Variants in TRAP1 observed in about 807,000 individuals in gnomAD.
TRAP1 encodes the protein TNF receptor associated protein 1.
TRAP1 carries 102 observed loss-of-function variants against 89.1 expected under a neutral mutation model. That is an observed-to-expected ratio of 1.15 (90% CI 0.98 to 1.35). The LOEUF (loss-of-function observed/expected upper bound fraction) is 1.35, where lower values mean the gene tolerates loss of function less well. Ranked by LOEUF, TRAP1 falls within the 40% of genes most tolerant of loss-of-function variation. TRAP1 has a pLI of 0.00. For synonymous variants in TRAP1, 508 were observed against 388.0 expected, an observed-to-expected ratio of 1.31 and a Z score of -3.64; for missense variants, 1,256 against 945.3, an observed-to-expected ratio of 1.33 and a Z score of -4.31.
chr16:3,670,382 C>CAAAAAAAAA (rs760902038), intron 11 of TRAP1, among the ~76,000 whole-genome samples: 1,095 of 22,812 alleles, frequency 0.048, 217 homozygotes, highest in East Asian at 0.17. Context: ...GACTCCGTCT[C>CAAAAAAAAA]AAAAAAAAAA....
intron 4 of TRAP1, 110 bp from the exon 5 acceptor site, chr16:3,679,900 G>A: frequency 1.0e-6 from 1 of 975,452 alleles, no homozygotes; most frequent in Non-Finnish European, 1.6e-6. Flanking sequence ...GCCAGACAGG[G>A]CCCAGCCAGG....
At chr16:3,703,791 A>C (rs925618911) in intron 1 of TRAP1, among the ~76,000 whole-genome samples, 2 of 151,914 alleles carry the variant, frequency 1.3e-5, no homozygotes, top group Admixed American at 1.3e-4. Context: ...CGAGGCGGGC[A>C]GATCACGAGG....
chr16:3,660,036 A>G (rs1438177170), intron 16 of TRAP1: 1 of 152,216 alleles, frequency 6.6e-6, no homozygotes, highest in Non-Finnish European at 1.5e-5. Flanking sequence ...CTAACAGAGG[A>G]AACACTTCAA....
chr16:3,695,418 A>T (rs1455887480), intron 1 of TRAP1, among the ~76,000 whole-genome samples: 1 of 151,798 alleles, frequency 6.6e-6, no homozygotes, highest in Non-Finnish European at 1.5e-5. Flanking sequence ...ACTTCTAGTT[A>T]TCAGCTACTC....
intron 1 of TRAP1, among the ~76,000 whole-genome samples, chr16:3,700,326 C>A (rs2051348833): frequency 6.6e-6 from 1 of 152,020 alleles, no homozygotes; most frequent in Non-Finnish European, 1.5e-5. Context: ...TGCCACCACG[C>A]CTGGCTAATT....
At position 3,671,801 on chromosome 16, in the gene TRAP1, A is replaced by C; in HGVS notation, c.1166-10T>G. 1 of 1,612,256 alleles carries C rather than the reference A, an allele frequency of 6.2e-7. No homozygotes were observed. Among genetic ancestry groups the C allele is most frequent in the South Asian group, 1.1e-5 (1 of 91,084 alleles). ...TCACTGTCCACCACACCTGGGAGAC[A>C]CGGCAGTCAGCTTCTCCCGGGGCTG... On this transcript the variant is annotated splice_polypyrimidine_tract_variant and intron_variant, in intron 10 of 17. Transcript: ENST00000246957.
intron 6 of TRAP1, 111 bp from the exon 7 acceptor site, chr16:3,676,256 A>C: frequency 1.3e-6 from 1 of 771,662 alleles, no homozygotes; most frequent in Non-Finnish European, 2.1e-6. Context: ...AACAACACAC[A>C]ACACACCTCA....
chr16:3,658,267 TG>T, intron 17 of TRAP1, 37 bp from the exon 18 acceptor site: 1 of 1,502,048 alleles, frequency 6.7e-7, no homozygotes, highest in Non-Finnish European at 9.1e-7. Context: ...ATGAGGGGCA[TG>T]GGGCACCTTT....
At chr16:3,658,511 CATCTCTACTAAAATACAAA>C in intron 17 of TRAP1, 1 of 568,890 alleles carries the variant, frequency 1.8e-6, no homozygotes, top group Non-Finnish European at 3.1e-6. Flanking sequence ...GTGAAAACCC[CATCTCTACTAAAATACAAA>C]ATTAGCCAGG....
intron 3 of TRAP1, among the ~76,000 whole-genome samples, chr16:3,687,949 T>C (rs562605002): frequency 6.6e-6 from 1 of 151,148 alleles, no homozygotes; most frequent in East Asian, 2.0e-4. Flanking sequence ...AAGCGGTGGC[T>C]GATCTGGGCG....
At chr16:3,715,764 T>C (rs892192583) in intron 1 of TRAP1, among the ~76,000 whole-genome samples, 15 of 152,010 alleles carry the variant, frequency 9.9e-5, no homozygotes, top group African/African-American at 3.6e-4. Flanking sequence ...CTGGCCAACA[T>C]AGTGAAACCC....
chr16:3,679,824 C>CTGGGG, intron 4 of TRAP1, 34 bp from the exon 5 acceptor site: 1 of 1,611,340 alleles, frequency 6.2e-7, no homozygotes, highest in Non-Finnish European at 8.5e-7. Context: ...GCCAAGCCCC[C>CTGGGG]AGCACCTGGG....
At chr16:3,668,079 C>T (rs1238302262) in intron 11 of TRAP1, among the ~76,000 whole-genome samples, 1 of 152,084 alleles carries the variant, frequency 6.6e-6, no homozygotes, top group Non-Finnish European at 1.5e-5. Context: ...ACCTGCCTGC[C>T]ACCACGACTG....
intron 10 of TRAP1, 143 bp downstream of exon 10, chr16:3,672,557 C>A: frequency 7.5e-7 from 1 of 1,338,880 alleles, no homozygotes; most frequent in Non-Finnish European, 9.9e-7. Context: ...TCTGTAAACG[C>A]GACTGACACA....
intron 4 of TRAP1, among the ~76,000 whole-genome samples, chr16:3,680,705 G>A (rs2051063407): frequency 6.6e-6 from 1 of 152,236 alleles, no homozygotes; most frequent in Non-Finnish European, 1.5e-5. Context: ...GTCCCAAGGG[G>A]ATGGCACTGG....
At chr16:3,698,202 A>G (rs981666923) in intron 1 of TRAP1, among the ~76,000 whole-genome samples, 6 of 152,148 alleles carry the variant, frequency 3.9e-5, no homozygotes, top group South Asian at 2.1e-4. Flanking sequence ...TAAGAAATCT[A>G]TATTTCCAGC....
At chr16:3,670,090 A>G (rs575197778) in intron 11 of TRAP1, among the ~76,000 whole-genome samples, 1 of 152,068 alleles carries the variant, frequency 6.6e-6, no homozygotes, top group African/African-American at 2.4e-5. Flanking sequence ...ATTGCATGAA[A>G]AACAAAAACA....
intron 12 of TRAP1, 103 bp downstream of exon 12, chr16:3,665,868 C>A: frequency 7.0e-7 from 1 of 1,427,804 alleles, no homozygotes; most frequent in Non-Finnish European, 9.4e-7. Context: ...AGCCAGGGTA[C>A]CCAGCTGCAC....
At chr16:3,713,334 C>A (rs1359072667) in intron 1 of TRAP1, among the ~76,000 whole-genome samples, 1 of 152,172 alleles carries the variant, frequency 6.6e-6, no homozygotes, top group Non-Finnish European at 1.5e-5. Flanking sequence ...AGGCAGGCAC[C>A]ACCTACAGGA....
Sources: gnomAD v4.1 joint callset for allele counts (sites outside exome capture counted in the v4.1 genomes callset) on GRCh38, gnomAD v4.1.1 for gene constraint, MANE v1.5 for transcripts, NCBI Gene and HGNC (gene_info 2026-07-23, HGNC 2026-07-21) for gene names.